Variants in ABCC4 observed in about 807,000 individuals in gnomAD.
ABCC4 encodes ATP-binding cassette sub-family C member 4.
In ABCC4, 102 loss-of-function variants were observed where a neutral mutation model predicts 168.5. The ratio of observed to expected loss-of-function variants is 0.61; its 90% confidence interval spans 0.52 to 0.71. The LOEUF is 0.71. ABCC4 is among the 30% of genes least tolerant of loss of function. The pLI, the probability that ABCC4 is intolerant of heterozygous loss-of-function variation, is 0.00. For missense variants in ABCC4, 1,402 were observed against 1,605.8 expected (o/e 0.87, Z 2.17); for synonymous variants, 617 against 590.7 (o/e 1.04, Z -0.65).
At chr13:95,295,869 AG>A (rs2041517025) in intron 1 of ABCC4, among the ~76,000 whole-genome samples, 1 of 150,908 alleles carries the variant, frequency 6.6e-6, no homozygotes, top group Non-Finnish European at 1.5e-5. Flanking sequence ...TGGGAGGCTG[AG>A]GCAGGAGAAT....
chr13:95,044,882 T>G (rs1033947780), intron 27 of ABCC4, among the ~76,000 whole-genome samples: 4 of 152,160 alleles, frequency 2.6e-5, no homozygotes, highest in Non-Finnish European at 5.9e-5. Context: ...GCTGGAGGAT[T>G]AACTGTAAAT....
intron 25 of ABCC4, among the ~76,000 whole-genome samples, chr13:95,067,176 G>A (rs2033578065): frequency 6.6e-6 from 1 of 152,192 alleles, no homozygotes. Flanking sequence ...CTGGTATGAG[G>A]ACAGAGACTG....
At position 95,206,512 on chromosome 13, in the gene ABCC4, A is replaced by T. The variant is rs765687912; in HGVS notation, c.1161+20T>A. On this transcript the variant is annotated intron_variant, in intron 8 of 30. Transcript: ENST00000645237. ...TACTTCAAATGCACCTACAACTTTA[A>T]AATGGCATCTGACACCAACCTGGAT... 6.2e-7 allele frequency: 1 copy of T among 1,608,206 alleles called. No homozygotes were observed. The highest frequency in any genetic ancestry group is 8.5e-7 in the Non-Finnish European group (1 of 1,174,948).
At chr13:95,177,826 C>T in intron 12 of ABCC4, 33 bp from the exon 13 acceptor site, 1 of 1,580,644 alleles carries the variant, frequency 6.3e-7, no homozygotes, top group South Asian at 1.1e-5. Flanking sequence ...AGACTCTCAC[C>T]CAGGAACATG....
intron 3 of ABCC4, among the ~76,000 whole-genome samples, chr13:95,244,115 A>G (rs957071783): frequency 2.6e-5 from 4 of 152,274 alleles, no homozygotes; most frequent in South Asian, 4.1e-4. Context: ...AAGTTCAAGA[A>G]GCATGTGCTG....
At chr13:95,289,220 A>G (rs944720281) in intron 1 of ABCC4, among the ~76,000 whole-genome samples, 3 of 152,236 alleles carry the variant, frequency 2.0e-5, no homozygotes, top group East Asian at 3.8e-4. Flanking sequence ...AATAAAGATC[A>G]GCAAATAAAA....
At chr13:95,250,943 G>A (rs981906408) in intron 1 of ABCC4, among the ~76,000 whole-genome samples, 1 of 151,808 alleles carries the variant, frequency 6.6e-6, no homozygotes, top group African/African-American at 2.4e-5. Flanking sequence ...ACATGCCACT[G>A]TGCCTGGCTA....
intron 20 of ABCC4, among the ~76,000 whole-genome samples, chr13:95,087,732 C>T (rs1407002417): frequency 6.6e-6 from 1 of 152,218 alleles, no homozygotes; most frequent in African/African-American, 2.4e-5. Flanking sequence ...CAAATACTGA[C>T]AGCATCAGCA....
intron 30 of ABCC4, among the ~76,000 whole-genome samples, chr13:95,029,178 A>ATC (rs1566355106): frequency 2.4e-4 from 12 of 50,302 alleles, no homozygotes; most frequent in African/African-American, 6.2e-4. Context: ...ATATATATAT[A>ATC]TATATATATA....
At chr13:95,092,470 A>G (rs934624460) in intron 20 of ABCC4, among the ~76,000 whole-genome samples, 1 of 152,212 alleles carries the variant, frequency 6.6e-6, no homozygotes, top group African/African-American at 2.4e-5. Context: ...TCTGCTCCTG[A>G]ATGAGCATTG....
rs1243113123 is a variant in ABCC4, at chr13:95,020,384, C to G, written c.*1191G>C. On this transcript the variant is annotated 3_prime_UTR_variant, in exon 31 of 31. Coordinates refer to ENST00000645237, the MANE Select transcript of ABCC4 (RefSeq NM_005845.5). ...ATAGTAAAACCTTTAGTAAACTGAACTCAACATATTACAGCCACCATCATC... is the reference window on the plus strand; with the variant it reads ...ATAGTAAAACCTTTAGTAAACTGAAGTCAACATATTACAGCCACCATCATC... 3 of 152,412 alleles carry G rather than the reference C, an allele frequency of 2.0e-5. No homozygotes were observed. The highest frequency in any genetic ancestry group is 4.4e-5 in the Non-Finnish European group (3 of 68,034). The allele number at this position is 152,412 out of a possible 1,614,324, so 9.4% of individuals were successfully genotyped here.
At chr13:95,186,993 C>A in intron 10 of ABCC4, 101 bp from the exon 11 acceptor site, 2 of 958,922 alleles carry the variant, frequency 2.1e-6, no homozygotes, top group Admixed American at 3.5e-5. Context: ...TGAAAAACAC[C>A]ATTCATTCAT....
rs2031897440 is a variant in ABCC4 at position 95,031,971 on chromosome 13, C to A, written c.3870+2634G>T. 3.9e-5 allele frequency among the ~76,000 whole-genome samples: 6 copies of A among 152,196 alleles called. No individual in the cohort carries two copies. In the South Asian group the frequency reaches 1.2e-3, roughly 32 times the overall value. ...GTGAAATGCCTGAGGTACCAAAGAA[C>A]AAAAAGGGTTTTTGAGGTTCCTGGC... On this transcript the variant is annotated intron_variant, in intron 30 of 30. Coordinates refer to ENST00000645237, the MANE Select transcript of ABCC4 (RefSeq NM_005845.5).
At chr13:95,267,517 T>C (rs1208508167) in intron 1 of ABCC4, among the ~76,000 whole-genome samples, 1 of 152,262 alleles carries the variant, frequency 6.6e-6, no homozygotes, top group African/African-American at 2.4e-5. Context: ...CCAGCTCCCC[T>C]GACTTGTCTT....
rs1483371566 is a variant in ABCC4 at position 95,021,586 on chromosome 13, T to A, written c.3967A>T (p.Thr1323Ser). 1 of 1,609,356 alleles carries A rather than the reference T, an allele frequency of 6.2e-7. No individual in the cohort carries two copies. Among genetic ancestry groups the A allele is most frequent in the Non-Finnish European group, 8.5e-7 (1 of 1,175,824 alleles). Residue 1323 changes from threonine (T) to serine (S), a missense_variant, in exon 31 of 31, where the codon ACA becomes TCA. Around this residue, in one of 3 missense-constraint regions of ABCC4, gnomAD observed 1,007 missense variants for 1,127.3 expected, o/e 0.89. Coordinates refer to ENST00000645237, the MANE Select transcript of ABCC4 (RefSeq NM_005845.5). ...CATTTTGGTTGGATTCACAGTGCTG[T>A]CTCGAAAATAGTTAAGGTCGAGGGC... ...GQPSTLTIFE[T>S]AL
chr13:95,078,597 G>A (rs1198198484), intron 21 of ABCC4, among the ~76,000 whole-genome samples: 1 of 152,176 alleles, frequency 6.6e-6, no homozygotes, highest in Non-Finnish European at 1.5e-5. Context: ...TTCTGCACAG[G>A]TCTTTTCTGC....
chr13:95,065,013 A>G (rs909071549), intron 25 of ABCC4, among the ~76,000 whole-genome samples: 1 of 152,200 alleles, frequency 6.6e-6, no homozygotes, highest in Non-Finnish European at 1.5e-5. Context: ...CTCTTTGGCC[A>G]AACATTAGAC....
intron 30 of ABCC4, among the ~76,000 whole-genome samples, chr13:95,025,952 C>G (rs1032212652): frequency 4.0e-4 from 61 of 152,296 alleles, no homozygotes; most frequent in Non-Finnish European, 8.1e-4. Flanking sequence ...TGCAATGGCT[C>G]ACACCTGTAA....
intron 13 of ABCC4, 26 bp from the exon 14 acceptor site, chr13:95,170,654 A>G: frequency 7.0e-7 from 1 of 1,436,524 alleles, no homozygotes. Flanking sequence ...GCACAGGGTG[A>G]AAAAATGCAT....
Sources: allele counts gnomAD v4.1 joint callset (sites outside exome capture counted in the v4.1 genomes callset), GRCh38; gene constraint gnomAD v4.1.1; regional missense constraint gnomAD v4.1.1; transcripts MANE v1.5; gene names NCBI Gene and HGNC (gene_info 2026-07-23, HGNC 2026-07-21).